The following GALNT3 variants were observed in gnomAD, a reference collection of about 807,000 sequenced individuals.
GALNT3 encodes the protein GalNAc transferase 3.
Under a neutral mutation model 69.8 loss-of-function variants are expected in GALNT3, and 51 were observed. The observed-to-expected ratio is 0.73, with a 90% CI of 0.58 to 0.92. GALNT3 has a LOEUF of 0.92. GALNT3 is among the 40% of genes least tolerant of loss of function. GALNT3 has a pLI of 0.00. For missense variants in GALNT3, 711 were observed against 760.0 expected, an observed-to-expected ratio of 0.94 and a Z score of 0.76; for synonymous variants, 265 against 248.5, an observed-to-expected ratio of 1.07 and a Z score of -0.63.
intron 2 of GALNT3, among the ~76,000 whole-genome samples, chr2:165,768,339 T>C (rs1349220439): frequency 6.6e-6 from 1 of 152,222 alleles, no homozygotes; most frequent in Non-Finnish European, 1.5e-5. Flanking sequence ...TTTTGAGCTG[T>C]CACTGATTGT....
At chr2:165,749,141 T>G (rs753978840) in intron 10 of GALNT3, among the ~76,000 whole-genome samples, 43 of 152,072 alleles carry the variant, frequency 2.8e-4, no homozygotes, top group Non-Finnish European at 5.4e-4. Context: ...TTGAATCACA[T>G]TTTCAAACAA....
intron 2 of GALNT3, among the ~76,000 whole-genome samples, chr2:165,769,152 T>G (rs528057069): frequency 7.0e-6 from 1 of 143,550 alleles, no homozygotes; most frequent in Non-Finnish European, 1.5e-5. Context: ...ACGCCTGTAA[T>G]CCCAGCACTT....
At chr2:165,749,986 A>C in intron 9 of GALNT3, 92 bp from the exon 10 acceptor site, 2 of 1,136,430 alleles carry the variant, frequency 1.8e-6, no homozygotes, top group Non-Finnish European at 2.6e-6. Flanking sequence ...TAAATAATAA[A>C]GTCATTTCTA....
At chr2:165,772,777 T>C (rs887660646) in intron 1 of GALNT3, among the ~76,000 whole-genome samples, 1 of 152,078 alleles carries the variant, frequency 6.6e-6, no homozygotes, top group African/African-American at 2.4e-5. Flanking sequence ...TGGTCAGTCC[T>C]TGAGTACAGC....
intron 1 of GALNT3, among the ~76,000 whole-genome samples, chr2:165,781,431 C>CA (rs1335748118): frequency 4.0e-5 from 6 of 151,362 alleles, no homozygotes; most frequent in South Asian, 2.1e-4. Context: ...CCCATCTCCA[C>CA]AAAAAAAATA....
intron 4 of GALNT3, 116 bp from the exon 5 acceptor site, chr2:165,759,686 C>A: frequency 2.6e-6 from 2 of 759,410 alleles, no homozygotes; most frequent in Non-Finnish European, 4.5e-6. Context: ...GTGTTTTGAA[C>A]ATGTATATAA....
In GALNT3 at chr2:165,761,680, T is replaced by C. The variant is rs150184484; in HGVS notation, c.838+225A>G. On this transcript the variant is annotated intron_variant, in intron 4 of 10. Coordinates refer to ENST00000392701, the MANE Select transcript of GALNT3 (RefSeq NM_004482.4). ...GCTAGTAACTGGAGAACACTGAAGT[T>C]GAGGAAACTTAAACACAAAAGGAGA... The C allele has an allele frequency of 7.5e-3, 5,349 of 708,596 alleles. 196 individuals are homozygous for C. In the Admixed American group the frequency reaches 0.076, roughly 10 times the overall value. 43.9% of individuals were successfully genotyped at this position (708,596 alleles called of 1,614,324 possible).
At chr2:165,790,854 A>G (rs1683333160) in intron 1 of GALNT3, among the ~76,000 whole-genome samples, 1 of 152,214 alleles carries the variant, frequency 6.6e-6, no homozygotes, top group African/African-American at 2.4e-5. Context: ...AGCATTAAAT[A>G]TTAACAGAAT....
chr2:165,791,147 C>A (rs2105235205), intron 1 of GALNT3, among the ~76,000 whole-genome samples: 1 of 152,214 alleles, frequency 6.6e-6, no homozygotes, highest in Admixed American at 6.5e-5. Context: ...AAGATTTAAT[C>A]TAGCACCAAG....
chr2:165,780,977 C>T (rs74758110), intron 1 of GALNT3, among the ~76,000 whole-genome samples: 3 of 152,104 alleles, frequency 2.0e-5, no homozygotes, highest in Admixed American at 2.0e-4. Context: ...TCAATATCTA[C>T]CTAGTAGCAA....
At chr2:165,750,482 C>CTTCCACATATCCAA (rs1688338858) in intron 9 of GALNT3, among the ~76,000 whole-genome samples, 1 of 152,152 alleles carries the variant, frequency 6.6e-6, no homozygotes, top group South Asian at 2.1e-4. Flanking sequence ...CCAAGTAATT[C>CTTCCACATATCCAA]GTCCCTTAGC....
chr2:165,785,399 C>T (rs1046316012), intron 1 of GALNT3, among the ~76,000 whole-genome samples: 3 of 152,058 alleles, frequency 2.0e-5, no homozygotes, highest in Non-Finnish European at 2.9e-5. Flanking sequence ...AAAATAGCAT[C>T]GGTTACCTCT....
intron 1 of GALNT3, among the ~76,000 whole-genome samples, chr2:165,792,161 G>A (rs4340537): frequency 0.36 from 55,274 of 151,988 alleles, 10,044 homozygotes; most frequent in Middle Eastern, 0.49. Context: ...AAGGGATCTC[G>A]AGAATGCTAG....
intron 1 of GALNT3, among the ~76,000 whole-genome samples, chr2:165,772,897 A>T (rs1427541782): frequency 2.0e-5 from 3 of 152,168 alleles, no homozygotes; most frequent in Admixed American, 6.6e-5. Context: ...GAAATTACCA[A>T]TTTTTTCCAA....
At chr2:165,754,580 T>G in intron 9 of GALNT3, 47 bp downstream of exon 9, 2 of 1,323,080 alleles carry the variant, frequency 1.5e-6, no homozygotes, top group Non-Finnish European at 2.2e-6. Context: ...ATCTCACTTG[T>G]GCTTGTAAAT....
chr2:165,777,952 A>G (rs1683005671), intron 1 of GALNT3, among the ~76,000 whole-genome samples: 1 of 152,194 alleles, frequency 6.6e-6, no homozygotes, highest in East Asian at 1.9e-4. Flanking sequence ...ACCGTGAGGC[A>G]CAGGTTTCAA....
At chr2:165,780,786 G>A (rs1242873980) in intron 1 of GALNT3, among the ~76,000 whole-genome samples, 1 of 151,958 alleles carries the variant, frequency 6.6e-6, no homozygotes, top group Non-Finnish European at 1.5e-5. Context: ...CTGAGTCCCT[G>A]GTTCATGCAA....
At chr2:165,791,023 A>G (rs976638828) in intron 1 of GALNT3, among the ~76,000 whole-genome samples, 2 of 152,130 alleles carry the variant, frequency 1.3e-5, no homozygotes, top group Admixed American at 1.3e-4. Flanking sequence ...AAATCCCCTC[A>G]GAAAAAAATA....
chr2:165,762,968 CT>C (rs3032482), intron 3 of GALNT3, among the ~76,000 whole-genome samples: 136,821 of 141,188 alleles, frequency 0.97, 66,352 homozygotes, highest in South Asian at 1. Context: ...CTTTTCTTTT[CT>C]TTTTTTTTTT....
Sources: allele counts gnomAD v4.1 joint callset (sites outside exome capture counted in the v4.1 genomes callset), GRCh38; gene constraint gnomAD v4.1.1; transcripts MANE v1.5; gene names NCBI Gene and HGNC (gene_info 2026-07-23, HGNC 2026-07-21).